CLMN: variants seen among roughly 807,000 people sequenced by gnomAD.
CLMN encodes calmin (calponin-like, transmembrane).
A neutral mutation model predicts 92.7 loss-of-function variants in CLMN; 57 were observed. That is an observed-to-expected ratio of 0.61 (90% CI 0.50 to 0.77). CLMN has a LOEUF of 0.77. Among genes scored for constraint, CLMN ranks in the 30% least tolerant of loss-of-function variants. The pLI is 0.00. For missense variants in CLMN, 1,158 were observed against 1,237.5 expected (o/e 0.94, Z 0.96); for synonymous variants, 466 against 470.6 (o/e 0.99, Z 0.13).
chr14:95,207,852 G>A lies in CLMN; in HGVS notation c.885+1543C>T, dbSNP rs1351839847. 1.4e-4 allele frequency among the ~76,000 whole-genome samples: 21 copies of A among 152,162 alleles called. 1 individual carries two copies. The highest frequency in any genetic ancestry group is 1.5e-5 in the Non-Finnish European group (1 of 68,034). ...ATGGAGGATCCTGGGAAGTTCTTCT[G>A]TACAAAACAGAGCCCCAGTTTCAGC... On this transcript the variant is annotated intron_variant, in intron 8 of 12. Transcript: ENST00000298912.
chr14:95,296,070 T>G (rs1045771139), intron 1 of CLMN: 1 of 152,262 alleles, frequency 6.6e-6, no homozygotes, highest in Non-Finnish European at 1.5e-5. Flanking sequence ...CTTAGTCTGT[T>G]TTATGCTGTT....
intron 4 of CLMN, among the ~76,000 whole-genome samples, chr14:95,217,542 AGGTTC>A (rs1897389477): frequency 6.6e-6 from 1 of 152,226 alleles, no homozygotes; most frequent in African/African-American, 2.4e-5. Flanking sequence ...GATCGGATTC[AGGTTC>A]AGTACTATCT....
intron 1 of CLMN, among the ~76,000 whole-genome samples, chr14:95,267,012 G>A (rs1899499687): frequency 6.6e-6 from 1 of 152,102 alleles, no homozygotes; most frequent in Non-Finnish European, 1.5e-5. Context: ...TCCTATTTCT[G>A]AGCATACAAA....
chr14:95,207,194 G>A (rs1186474561), intron 8 of CLMN, among the ~76,000 whole-genome samples: 3 of 151,952 alleles, frequency 2.0e-5, no homozygotes, highest in Non-Finnish European at 2.9e-5. Flanking sequence ...CAATATATTC[G>A]TCACCTCAAA....
intron 4 of CLMN, among the ~76,000 whole-genome samples, 190 bp from the exon 5 acceptor site, chr14:95,215,923 G>A (rs1282491404): frequency 6.6e-6 from 1 of 151,772 alleles, no homozygotes; most frequent in Non-Finnish European, 1.5e-5. Context: ...ATGCAAAAGT[G>A]TATTTAATTA....
Position 95,203,423 on chromosome 14 carries a change from A to G in CLMN, c.1926T>C (p.Cys642=). Residue 642 remains cysteine (C), a synonymous_variant, in exon 9 of 13, where the codon TGT becomes TGC. Coordinates refer to ENST00000298912, the MANE Select transcript of CLMN (RefSeq NM_024734.4). The part of the protein sequence containing the change: ...HQDSGEEAEG[C]PSAPEETPVD... ...CTGGTGTCTCTTCTGGGGCTGAAGGACAGCCTTCAGCTTCTTCTCCGGAGT... is the reference window on the plus strand; with the variant it reads ...CTGGTGTCTCTTCTGGGGCTGAAGGGCAGCCTTCAGCTTCTTCTCCGGAGT... 1 of 1,614,142 alleles carries G rather than the reference A, an allele frequency of 6.2e-7. No homozygotes were observed. The highest frequency in any genetic ancestry group is 1.1e-5 in the South Asian group (1 of 91,080).
chr14:95,221,842 G>T (rs1269893257), intron 3 of CLMN, 68 bp from the exon 4 acceptor site: 1 of 1,384,494 alleles, frequency 7.2e-7, no homozygotes, highest in Non-Finnish European at 1.0e-6. Flanking sequence ...ACCCAGCGGT[G>T]CTGCTGGGTG....
At chr14:95,245,223 T>C (rs1179345334) in intron 1 of CLMN, among the ~76,000 whole-genome samples, 11 of 33,904 alleles carry the variant, frequency 3.2e-4, no homozygotes, top group African/African-American at 1.6e-3. Flanking sequence ...TATATATATA[T>C]ATTATATATA....
chr14:95,273,627 G>A (rs1014926337), intron 1 of CLMN, among the ~76,000 whole-genome samples: 2 of 152,240 alleles, frequency 1.3e-5, no homozygotes, highest in South Asian at 2.1e-4. Context: ...TTCTGCACCC[G>A]GCCCCTGCAG....
At chr14:95,208,891 A>G (rs1346160761) in intron 8 of CLMN, among the ~76,000 whole-genome samples, 1 of 152,176 alleles carries the variant, frequency 6.6e-6, no homozygotes, top group African/African-American at 2.4e-5. Context: ...CATCCATGCC[A>G]TCTCTGCCAC....
chr14:95,263,186 T>C (rs1317738249), intron 1 of CLMN, among the ~76,000 whole-genome samples: 1 of 152,098 alleles, frequency 6.6e-6, no homozygotes, highest in East Asian at 1.9e-4. Flanking sequence ...AAACTTACAA[T>C]CATGGTGGAA....
Position 95,294,687 on chromosome 14 carries a change from T to G in CLMN, c.82+25024A>C, listed in dbSNP as rs565057080. Among the ~76,000 whole-genome samples the G allele has an allele frequency of 3.3e-5, 5 of 152,340 alleles. No homozygotes were observed. The highest frequency in any genetic ancestry group is 7.3e-5 in the Non-Finnish European group (5 of 68,040). On this transcript the variant is annotated intron_variant, in intron 1 of 12. Coordinates refer to ENST00000298912, the MANE Select transcript of CLMN (RefSeq NM_024734.4). This position sits in a 1 kb window ranked among gnomAD's most constrained non-coding sequence, Gnocchi z 4.2. The stretch of plus-strand genomic sequence containing the variant: ...TGCACACCCCTCCTCCTACTTCATC[T>G]TCCTTTCTCTCCCTGCCCTGTGTCC...
intron 1 of CLMN, among the ~76,000 whole-genome samples, chr14:95,309,523 A>G (rs1377665042): frequency 6.6e-6 from 1 of 152,236 alleles, no homozygotes; most frequent in Admixed American, 6.5e-5. Context: ...CATAGATGAG[A>G]TCACCATGAC....
At chr14:95,270,123 G>A (rs928187357) in intron 1 of CLMN, among the ~76,000 whole-genome samples, 2 of 152,158 alleles carry the variant, frequency 1.3e-5, no homozygotes, top group African/African-American at 4.8e-5. Context: ...GCACTTAGCA[G>A]GGAATCTCCT....
At chr14:95,270,425 T>A (rs1899662453) in intron 1 of CLMN, among the ~76,000 whole-genome samples, 1 of 152,180 alleles carries the variant, frequency 6.6e-6, no homozygotes, top group African/African-American at 2.4e-5. Context: ...CGATTACCCA[T>A]TAGCTGTCAT....
intron 2 of CLMN, among the ~76,000 whole-genome samples, chr14:95,227,494 A>G (rs1425053343): frequency 6.6e-6 from 1 of 152,210 alleles, no homozygotes; most frequent in East Asian, 1.9e-4. Flanking sequence ...CGAGACCCGA[A>G]CGGAATACCC....
At chr14:95,241,954 A>T (rs965898082) in intron 1 of CLMN, among the ~76,000 whole-genome samples, 4 of 152,118 alleles carry the variant, frequency 2.6e-5, no homozygotes, top group Admixed American at 2.6e-4. Flanking sequence ...TTGTTATTAC[A>T]AGGTCTCCCT....
intron 1 of CLMN, among the ~76,000 whole-genome samples, chr14:95,289,407 T>A (rs1388294648): frequency 1.3e-5 from 2 of 151,812 alleles, no homozygotes; most frequent in Non-Finnish European, 2.9e-5. Context: ...GCATGGGAAT[T>A]GCTTGAACCT....
intron 9 of CLMN, among the ~76,000 whole-genome samples, chr14:95,201,358 C>A (rs1272965118): frequency 1.3e-5 from 2 of 151,554 alleles, no homozygotes; most frequent in Non-Finnish European, 2.9e-5. Context: ...GGATTTCCAG[C>A]CCTCCCCACC....
Sources: allele counts gnomAD v4.1 joint callset (sites outside exome capture counted in the v4.1 genomes callset), GRCh38; gene constraint gnomAD v4.1.1; non-coding constraint Gnocchi (gnomAD v3.1); transcripts MANE v1.5; gene names NCBI Gene and HGNC (gene_info 2026-07-23, HGNC 2026-07-21).